The following NRG3 variants were observed in gnomAD, a reference collection of about 807,000 sequenced individuals.
The protein encoded by NRG3 is neuregulin 3.
In NRG3, 31 loss-of-function variants were observed where a neutral mutation model predicts 66.9. That is an observed-to-expected ratio of 0.46 (90% CI 0.35 to 0.63). NRG3 has a LOEUF of 0.63. Ranked by LOEUF, NRG3 falls within the 20% of genes least tolerant of loss-of-function variation. NRG3 has a pLI of 0.00. For missense variants in NRG3, 910 were observed against 878.9 expected, an observed-to-expected ratio of 1.04 and a Z score of -0.45; for synonymous variants, 393 against 359.4, an observed-to-expected ratio of 1.09 and a Z score of -1.06.
At chr10:82,715,306 G>C (rs139616159) in intron 2 of NRG3, among the ~76,000 whole-genome samples, 1 of 152,154 alleles carries the variant, frequency 6.6e-6, no homozygotes, top group African/African-American at 2.4e-5. Flanking sequence ...GCTGAGGCAC[G>C]TGAGTCCCTT....
intron 1 of NRG3, among the ~76,000 whole-genome samples, chr10:82,245,221 A>G (rs1199975931): frequency 1.3e-5 from 2 of 152,042 alleles, no homozygotes; most frequent in Admixed American, 1.3e-4. Flanking sequence ...CCATAGGGAG[A>G]GCATAACCTA....
At chr10:81,903,194 G>A (rs1158686583) in intron 1 of NRG3, among the ~76,000 whole-genome samples, 2 of 152,006 alleles carry the variant, frequency 1.3e-5, no homozygotes, top group African/African-American at 2.4e-5. Context: ...TATGGCATGC[G>A]AGGAAATGGA....
chr10:82,089,882 G>T (rs2065931796), intron 1 of NRG3, among the ~76,000 whole-genome samples: 1 of 152,128 alleles, frequency 6.6e-6, no homozygotes, highest in South Asian at 2.1e-4. Flanking sequence ...TTATGAAATT[G>T]GTCTAGCCTT....
At chr10:81,876,884 G>A (rs1841715326) in intron 1 of NRG3, among the ~76,000 whole-genome samples, 1 of 151,912 alleles carries the variant, frequency 6.6e-6, no homozygotes, top group Admixed American at 6.5e-5. Flanking sequence ...GAAATATGAA[G>A]GGAGCCCTGC....
chr10:81,944,888 C>T (rs186011117), intron 1 of NRG3, among the ~76,000 whole-genome samples: 23 of 152,258 alleles, frequency 1.5e-4, no homozygotes, highest in Admixed American at 7.2e-4. Context: ...CTCAGTCTGG[C>T]ATGATCTAGA....
At chr10:81,889,200 G>A (rs1842839131) in intron 1 of NRG3, 1 of 152,116 alleles carries the variant, frequency 6.6e-6, no homozygotes, top group Non-Finnish European at 1.5e-5. Context: ...GTTTTTCAGA[G>A]GCAAAAACTC....
chr10:82,603,254 C>T (rs762031612), intron 2 of NRG3, among the ~76,000 whole-genome samples: 17 of 152,014 alleles, frequency 1.1e-4, no homozygotes, highest in Non-Finnish European at 1.3e-4. Flanking sequence ...CTGCTAGAGC[C>T]CCACTCTCGG....
chr10:81,953,005 G>T (rs1375998639), intron 1 of NRG3, among the ~76,000 whole-genome samples: 1 of 152,088 alleles, frequency 6.6e-6, no homozygotes, highest in Non-Finnish European at 1.5e-5. Context: ...AGCAGGCCCT[G>T]CAAGTTGGTC....
intron 2 of NRG3, among the ~76,000 whole-genome samples, chr10:82,647,274 G>A (rs1056193860): frequency 1.3e-5 from 2 of 151,992 alleles, no homozygotes; most frequent in Non-Finnish European, 2.9e-5. Flanking sequence ...TTGTTCTTGC[G>A]ATAGTTTACT....
chr10:82,589,108 G>A (rs1264443390), intron 2 of NRG3, among the ~76,000 whole-genome samples: 2 of 152,054 alleles, frequency 1.3e-5, no homozygotes, highest in African/African-American at 2.4e-5. Context: ...CAGACTCTCT[G>A]TCAGTCTCCC....
chr10:82,350,231 G>A lies in NRG3; in HGVS notation c.824-8508G>A, dbSNP rs190571861. Reference sequence around the variant, plus strand: ...CATTATCAGAGATTTGGAGCAAAAAGGTGCTGTTACCTTATCATTCTGAAG... The same window carrying A: ...CATTATCAGAGATTTGGAGCAAAAAAGTGCTGTTACCTTATCATTCTGAAG... On this transcript the variant is annotated intron_variant, in intron 1 of 8. Transcript: ENST00000372141. Among the ~76,000 whole-genome samples the A allele has an allele frequency of 7.2e-5, 11 of 152,200 alleles. No individual in the cohort carries two copies. The South Asian group carries it at 1.7e-3, about 23-fold the overall frequency.
intron 1 of NRG3, among the ~76,000 whole-genome samples, chr10:81,966,823 G>A (rs1156473055): frequency 6.6e-6 from 1 of 151,946 alleles, no homozygotes; most frequent in African/African-American, 2.4e-5. Context: ...CTATCTTTTA[G>A]ATCATTAGTT....
chr10:82,774,774 G>C (rs755193392), intron 3 of NRG3, among the ~76,000 whole-genome samples: 1 of 116,082 alleles, frequency 8.6e-6, no homozygotes, highest in Non-Finnish European at 1.8e-5. Flanking sequence ...TTTGATTTAT[G>C]TTCTGATCCT....
At chr10:82,691,215 C>T (rs1288958954) in intron 2 of NRG3, among the ~76,000 whole-genome samples, 2 of 152,238 alleles carry the variant, frequency 1.3e-5, no homozygotes, top group East Asian at 3.9e-4. Flanking sequence ...AGTCCCTACC[C>T]CACTCTCTCA....
intron 1 of NRG3, among the ~76,000 whole-genome samples, chr10:81,969,102 A>T (rs559970632): frequency 6.6e-6 from 1 of 152,224 alleles, no homozygotes; most frequent in South Asian, 2.1e-4. Context: ...TGTTGAACAG[A>T]TTATGAGGGG....
chr10:82,514,780 G>A (rs540936076), intron 2 of NRG3, among the ~76,000 whole-genome samples: 12 of 152,198 alleles, frequency 7.9e-5, no homozygotes, highest in African/African-American at 2.9e-4. Flanking sequence ...AATGGGAATA[G>A]CATTATATCT....
intron 2 of NRG3, among the ~76,000 whole-genome samples, chr10:82,648,325 C>G (rs2051125522): frequency 6.6e-6 from 1 of 151,732 alleles, no homozygotes; most frequent in Non-Finnish European, 1.5e-5. Context: ...AGATATGCGG[C>G]ATTATTTCTG....
intron 4 of NRG3, among the ~76,000 whole-genome samples, chr10:82,944,602 T>C (rs1368182519): frequency 6.6e-6 from 1 of 152,216 alleles, no homozygotes; most frequent in Admixed American, 6.5e-5. Flanking sequence ...CCCTTCAATT[T>C]GAATCTTTCC....
At chr10:82,088,789 A>G (rs1424031396) in intron 1 of NRG3, among the ~76,000 whole-genome samples, 1 of 152,088 alleles carries the variant, frequency 6.6e-6, no homozygotes, top group Non-Finnish European at 1.5e-5. Context: ...TTCAATTTCT[A>G]TATATGCTAC....
Sources: allele counts gnomAD v4.1 joint callset (sites outside exome capture counted in the v4.1 genomes callset), GRCh38; gene constraint gnomAD v4.1.1; transcripts MANE v1.5; gene names NCBI Gene and HGNC (gene_info 2026-07-23, HGNC 2026-07-21).